The following SGCD variants were observed in gnomAD, a reference collection of about 807,000 sequenced individuals.
SGCD encodes delta-sarcoglycan.
A neutral mutation model predicts 36.6 loss-of-function variants in SGCD; 18 were observed. That is an observed-to-expected ratio of 0.49 (90% confidence interval 0.34 to 0.73). The LOEUF is 0.73. SGCD is among the 30% of genes least tolerant of loss of function. The pLI is 0.01. For synonymous variants in SGCD, 133 were observed against 130.6 expected (o/e 1.02, Z -0.12); for missense variants, 387 against 346.7 (o/e 1.12, Z -0.92).
intron 3 of SGCD, among the ~76,000 whole-genome samples, chr5:156,370,609 A>G (rs1336845095): frequency 6.6e-6 from 1 of 152,216 alleles, no homozygotes; most frequent in East Asian, 1.9e-4. Context: ...GTGTCTGAAA[A>G]TACATTTCTA....
chr5:156,152,283 G>A (rs2127615301), intron 3 of SGCD, among the ~76,000 whole-genome samples: 2 of 151,540 alleles, frequency 1.3e-5, no homozygotes, highest in South Asian at 4.1e-4. Context: ...TGTCTTTATA[G>A]TCCTGACTAT....
At chr5:155,918,519 C>T (rs1368353466) in intron 1 of SGCD, among the ~76,000 whole-genome samples, 1 of 152,168 alleles carries the variant, frequency 6.6e-6, no homozygotes, top group African/African-American at 2.4e-5. Flanking sequence ...GCTGAGATCG[C>T]GCCATTGCAC....
rs569494648 is a variant in SGCD, at chr5:156,646,796, T to C, written c.503-668T>C. Among the ~76,000 whole-genome samples the C allele has an allele frequency of 3.3e-5, 5 of 152,318 alleles. No individual in the cohort carries two copies. The East Asian group carries it at 9.7e-4, about 29-fold the overall frequency. On this transcript the variant is annotated intron_variant, in intron 6 of 8. Coordinates refer to ENST00000337851, the MANE Select transcript of SGCD (RefSeq NM_000337.6). Reference sequence around the variant, plus strand: ...ACAAATCAGATAATTGCTATCTTTATGGCTGCAAATTTCGACTGGTGTTGA... The same window carrying C: ...ACAAATCAGATAATTGCTATCTTTACGGCTGCAAATTTCGACTGGTGTTGA...
intron 6 of SGCD, among the ~76,000 whole-genome samples, chr5:156,639,396 A>T (rs906423878): frequency 1.3e-5 from 2 of 152,172 alleles, no homozygotes; most frequent in Non-Finnish European, 1.5e-5. Context: ...AGATGAACCC[A>T]AACATCCACA....
chr5:156,308,805 T>G (rs1227444748), intron 3 of SGCD, among the ~76,000 whole-genome samples: 1 of 152,208 alleles, frequency 6.6e-6, no homozygotes, highest in Non-Finnish European at 1.5e-5. Flanking sequence ...CATTTCAGCT[T>G]GCAGAATTCC....
intron 4 of SGCD, among the ~76,000 whole-genome samples, chr5:156,560,349 A>G (rs1230457001): frequency 6.6e-6 from 1 of 152,188 alleles, no homozygotes; most frequent in Non-Finnish European, 1.5e-5. Flanking sequence ...TTTCGATGGC[A>G]TGTAATTAAA....
chr5:156,482,813 GTTTTTTTT>G (rs3074979), intron 3 of SGCD, among the ~76,000 whole-genome samples: 11 of 83,378 alleles, frequency 1.3e-4, no homozygotes, highest in African/African-American at 2.9e-4. Flanking sequence ...CTTTTGGTCA[GTTTTTTTT>G]TTTTTTTTTT....
At chr5:155,910,455 A>G (rs1263757320) in intron 1 of SGCD, among the ~76,000 whole-genome samples, 1 of 152,088 alleles carries the variant, frequency 6.6e-6, no homozygotes. Context: ...TAGGGCATAA[A>G]GCCAGTCCTG....
intron 3 of SGCD, among the ~76,000 whole-genome samples, chr5:156,223,011 A>G (rs890899498): frequency 2.0e-5 from 3 of 152,098 alleles, no homozygotes; most frequent in Admixed American, 6.6e-5. Context: ...ACAACCATAC[A>G]TACTATTGAG....
At chr5:156,692,411 G>A (rs1305145646) in intron 7 of SGCD, among the ~76,000 whole-genome samples, 1 of 152,176 alleles carries the variant, frequency 6.6e-6, no homozygotes, top group African/African-American at 2.4e-5. Context: ...ATGGAGTGGG[G>A]AGAAACAAAT....
Position 155,876,039 on chromosome 5 carries a change from TA to T in SGCD, c.-282+5616del, listed in dbSNP as rs1406538736. Among the ~76,000 whole-genome samples the T allele has an allele frequency of 9.3e-5, 14 of 151,264 alleles. No individual in the cohort carries two copies. The East Asian group carries it at 2.3e-3, about 25-fold the overall frequency. ...TTTTTTTTTCTTGGTCCTCTTGTTT[TA>T]TTTTTTTATTTATTTTTTTTTATTA... On this transcript the variant is annotated intron_variant, in intron 1 of 9. Transcript: ENST00000517913.
At chr5:156,039,355 G>T (rs996961693) in intron 1 of SGCD, among the ~76,000 whole-genome samples, 1 of 151,630 alleles carries the variant, frequency 6.6e-6, no homozygotes, top group African/African-American at 2.4e-5. Context: ...TTTTATCTCT[G>T]TATGCCCCCA....
intron 3 of SGCD, among the ~76,000 whole-genome samples, chr5:156,432,653 G>A (rs1424753465): frequency 6.6e-6 from 1 of 152,142 alleles, no homozygotes; most frequent in Non-Finnish European, 1.5e-5. Context: ...CCACTGTGGG[G>A]GATAGGGGTG....
chr5:156,279,863 C>G (rs902636172), intron 3 of SGCD, among the ~76,000 whole-genome samples: 8 of 151,842 alleles, frequency 5.3e-5, no homozygotes, highest in Non-Finnish European at 1.0e-4. Context: ...AAATAATGGC[C>G]CACACAACAC....
chr5:156,623,974 T>C (rs1288039318), intron 6 of SGCD, among the ~76,000 whole-genome samples: 1 of 152,196 alleles, frequency 6.6e-6, no homozygotes, highest in Non-Finnish European at 1.5e-5. Flanking sequence ...CATCTCTCTT[T>C]AGCAAATTGT....
In SGCD at chr5:156,709,868, C is replaced by G. The variant is rs572618570; in HGVS notation, c.576-47713C>G. ...CGCCGCCACCCTCCCGCCCCCTACT[C>G]TGGGGAAATGGGAAGGGAATCAACA... On this transcript the variant is annotated intron_variant, in intron 7 of 8. Transcript: ENST00000337851. Among the ~76,000 whole-genome samples the G allele has an allele frequency of 1.6e-4, 21 of 133,108 alleles. No individual in the cohort carries two copies. In the East Asian group the frequency reaches 5.1e-3, roughly 32 times the overall value. 87.3% of individuals were successfully genotyped at this position (133,108 alleles called of 152,430 possible). A position where few individuals can be genotyped will look rare whatever the true frequency, so the allele number is the denominator to read the frequency against.
At chr5:156,610,211 A>G (rs1257697216) in intron 6 of SGCD, among the ~76,000 whole-genome samples, 1 of 152,112 alleles carries the variant, frequency 6.6e-6, no homozygotes, top group East Asian at 1.9e-4. Context: ...TGATGTACAG[A>G]TGGGGTTTTG....
intron 6 of SGCD, among the ~76,000 whole-genome samples, chr5:156,645,436 T>C (rs1253802478): frequency 1.3e-5 from 2 of 152,052 alleles, no homozygotes; most frequent in Non-Finnish European, 2.9e-5. Flanking sequence ...TTTTGAAGAG[T>C]ATTAATATCT....
chr5:155,795,150 C>G, the SGCD span, among the ~76,000 whole-genome samples: 2 of 152,034 alleles, frequency 1.3e-5, no homozygotes, highest in Admixed American at 6.6e-5. Flanking sequence ...TAATGTATCA[C>G]TGTCACCTGT....
Sources: gnomAD v4.1 joint callset for allele counts (sites outside exome capture counted in the v4.1 genomes callset) on GRCh38, gnomAD v4.1.1 for gene constraint, MANE v1.5 for transcripts, NCBI Gene and HGNC (gene_info 2026-07-23, HGNC 2026-07-21) for gene names.